Variants in RGS7 observed in about 807,000 individuals in gnomAD.
RGS7 encodes regulator of G protein signaling 7.
In RGS7, 27 loss-of-function variants were observed where a neutral mutation model predicts 81.1. The observed-to-expected ratio is 0.33, with a 90% CI of 0.25 to 0.46. The LOEUF (loss-of-function observed/expected upper bound fraction) is 0.46, where lower values mean the gene tolerates loss of function less well. Among genes scored for constraint, RGS7 ranks in the 20% least tolerant of loss-of-function variants. RGS7 has a pLI of 1.00. For synonymous variants in RGS7, 208 were observed against 207.7 expected (o/e 1.00, Z -0.01); for missense variants, 396 against 607.4 (o/e 0.65, Z 3.66).
intron 2 of RGS7, among the ~76,000 whole-genome samples, chr1:241,139,450 G>C (rs1353991884): frequency 6.6e-6 from 1 of 152,180 alleles, no homozygotes; most frequent in Non-Finnish European, 1.5e-5. Flanking sequence ...TCATGCTTCA[G>C]CCAACATTAA....
chr1:241,173,602 C>T (rs1297502897), intron 2 of RGS7, among the ~76,000 whole-genome samples: 1 of 151,986 alleles, frequency 6.6e-6, no homozygotes, highest in Non-Finnish European at 1.5e-5. Flanking sequence ...CTGTGCAACA[C>T]AGTGAGACCC....
intron 2 of RGS7, among the ~76,000 whole-genome samples, chr1:241,254,373 C>T (rs2076969960): frequency 6.6e-6 from 1 of 152,036 alleles, no homozygotes; most frequent in South Asian, 2.1e-4. Flanking sequence ...TGCTAGAATA[C>T]CACAGACTGG....
intron 2 of RGS7, among the ~76,000 whole-genome samples, chr1:241,187,520 G>A (rs888135701): frequency 6.6e-6 from 1 of 152,104 alleles, no homozygotes; most frequent in Admixed American, 6.6e-5. Context: ...TCCTTAAAAA[G>A]GTACTCCAGT....
chr1:241,220,361 A>G (rs1369903136), intron 2 of RGS7, among the ~76,000 whole-genome samples: 1 of 152,204 alleles, frequency 6.6e-6, no homozygotes, highest in African/African-American at 2.4e-5. Flanking sequence ...CGCCTGAACC[A>G]TACTGCAGGC....
Position 240,868,887 on chromosome 1 carries a change from T to C in RGS7, c.451-35A>G. 6.3e-7 allele frequency: 1 copy of C among 1,591,826 alleles called. No homozygotes were observed. The highest frequency in any genetic ancestry group is 8.6e-7 in the Non-Finnish European group (1 of 1,159,762). ...ATACCCCAGGTGAAGACATTTGGTG[T>C]TCATTGTCACTGCTCTCTTCTAGCT... On this transcript the variant is annotated intron_variant, in intron 7 of 18. Transcript: ENST00000440928. The surrounding 1 kb of genome is among the most constrained non-coding windows in gnomAD (Gnocchi z 5.1).
chr1:241,044,604 A>C (rs56292730), intron 3 of RGS7, among the ~76,000 whole-genome samples: 1 of 151,216 alleles, frequency 6.6e-6, no homozygotes, highest in South Asian at 2.1e-4. Flanking sequence ...AAATTTATTT[A>C]TTTTTTTTGT....
At chr1:241,098,241 C>T (rs776232837) in intron 3 of RGS7, among the ~76,000 whole-genome samples, 29 of 152,182 alleles carry the variant, frequency 1.9e-4, no homozygotes, top group South Asian at 4.1e-4. Flanking sequence ...GTGGTGACAG[C>T]GGTCTTGAGC....
At chr1:240,895,085 C>T (rs1558428043) in intron 6 of RGS7, among the ~76,000 whole-genome samples, 1 of 151,350 alleles carries the variant, frequency 6.6e-6, no homozygotes, top group African/African-American at 2.4e-5. Flanking sequence ...AAGTGTGTGG[C>T]CCTTCCCCCT....
At chr1:241,061,730 G>C (rs2061748928) in intron 3 of RGS7, among the ~76,000 whole-genome samples, 1 of 152,154 alleles carries the variant, frequency 6.6e-6, no homozygotes, top group South Asian at 2.1e-4. Context: ...GTGAAGGTTT[G>C]GGAAGCTAGG....
rs72756860 is a variant in RGS7 at position 240,942,786 on chromosome 1, G to C, written c.227-6080C>G. 3.9e-3 allele frequency among the ~76,000 whole-genome samples: 600 copies of C among 152,298 alleles called. 6 individuals are homozygous for C. The highest frequency in any genetic ancestry group is 6.0e-3 in the Non-Finnish European group (408 of 68,014). On this transcript the variant is annotated intron_variant, in intron 4 of 18. Coordinates refer to ENST00000440928, the MANE Select transcript of RGS7 (RefSeq NM_001364886.1). ...TTCTGTTTAAGAAGACATGGAAGTG[G>C]TCATTTTAGAAATCCTTCAAAATAT... is the stretch of plus-strand genomic sequence containing the variant.
intron 17 of RGS7, 36 bp downstream of exon 17, chr1:240,801,419 T>G: frequency 7.1e-7 from 1 of 1,411,792 alleles, no homozygotes; most frequent in Non-Finnish European, 1.0e-6. Flanking sequence ...TTCATTGGAC[T>G]TAATGATTCA....
intron 2 of RGS7, among the ~76,000 whole-genome samples, chr1:241,216,786 A>G (rs1300898465): frequency 6.6e-6 from 1 of 152,226 alleles, no homozygotes; most frequent in Non-Finnish European, 1.5e-5. Context: ...TCACTGAGGT[A>G]GACAGTAGAA....
chr1:240,930,862 T>C, intron 5 of RGS7, 94 bp from the exon 6 acceptor site: 2 of 1,181,054 alleles, frequency 1.7e-6, no homozygotes, highest in South Asian at 2.4e-5. Context: ...CACAATTCTC[T>C]ATATTAGTTT....
chr1:241,075,261 G>A (rs1414651193), intron 3 of RGS7, among the ~76,000 whole-genome samples: 3 of 152,276 alleles, frequency 2.0e-5, no homozygotes, highest in African/African-American at 7.2e-5. Flanking sequence ...TAAAGAAAAT[G>A]TTAGTTCTAT....
At chr1:241,072,400 T>A (rs1199145904) in intron 3 of RGS7, among the ~76,000 whole-genome samples, 3 of 152,158 alleles carry the variant, frequency 2.0e-5, no homozygotes, top group African/African-American at 4.8e-5. Context: ...CCATTTCACA[T>A]CCACCTCCCT....
intron 9 of RGS7, among the ~76,000 whole-genome samples, chr1:240,836,656 C>G (rs1204513359): frequency 6.6e-6 from 1 of 152,206 alleles, no homozygotes; most frequent in African/African-American, 2.4e-5. Context: ...AAAGGGAATG[C>G]AACTCTTTAT....
rs114156381 is a variant in RGS7 at position 241,173,350 on chromosome 1, T to A, written c.79-74588A>T. 8.8e-3 allele frequency among the ~76,000 whole-genome samples: 1,336 copies of A among 152,354 alleles called. 22 individuals carry two copies. Among genetic ancestry groups the A allele is most frequent in the African/African-American group, 0.03 (1,265 of 41,578 alleles). ...TCTTACTCAGGTCATGGAGTTGTTA[T>A]AAATATCAAATATCACAATGTATGT... On this transcript the variant is annotated intron_variant, in intron 2 of 18. Coordinates refer to ENST00000440928, the MANE Select transcript of RGS7 (RefSeq NM_001364886.1).
chr1:240,959,313 C>G (rs950214397), intron 4 of RGS7, among the ~76,000 whole-genome samples: 1 of 152,102 alleles, frequency 6.6e-6, no homozygotes, highest in East Asian at 1.9e-4. Flanking sequence ...CATCATTGTG[C>G]GAACTTCATG....
At chr1:240,858,031 A>G (rs1661473331) in intron 9 of RGS7, among the ~76,000 whole-genome samples, 1 of 152,210 alleles carries the variant, frequency 6.6e-6, no homozygotes, top group South Asian at 2.1e-4. Context: ...TGCTGAACTG[A>G]GTCAATTAAA....
Sources: gnomAD v4.1 joint callset for allele counts (sites outside exome capture counted in the v4.1 genomes callset) on GRCh38, gnomAD v4.1.1 for gene constraint, Gnocchi (gnomAD v3.1) non-coding constraint, MANE v1.5 for transcripts, NCBI Gene and HGNC (gene_info 2026-07-23, HGNC 2026-07-21) for gene names.